REDIC1: variants seen among roughly 807,000 people sequenced by gnomAD.
REDIC1 encodes HEI10 Interacting Protein 1.
chr12:39,728,682 C>T, the REDIC1 span, among the ~76,000 whole-genome samples: 1 of 151,660 alleles, frequency 6.6e-6, no homozygotes, highest in African/African-American at 2.4e-5. Flanking sequence ...GTGAAGAGTC[C>T]CTCTTTTTCT....
At chr12:39,747,362 G>T in the REDIC1 span, among the ~76,000 whole-genome samples, 1 of 152,172 alleles carries the variant, frequency 6.6e-6, no homozygotes, top group Non-Finnish European at 1.5e-5. Context: ...GAAGTGAGAA[G>T]AGAAGTTTAG....
chr12:39,777,858 G>A, the REDIC1 span, among the ~76,000 whole-genome samples: 1 of 152,182 alleles, frequency 6.6e-6, no homozygotes, highest in East Asian at 1.9e-4. Flanking sequence ...CCAAGTCCAC[G>A]TGTGATCTGA....
the REDIC1 span, among the ~76,000 whole-genome samples, chr12:39,895,669 C>T: frequency 1.4e-5 from 2 of 145,872 alleles, no homozygotes; most frequent in Admixed American, 7.0e-5. Flanking sequence ...TATGTATATG[C>T]GTGTATACGT....
At chr12:39,880,993 G>A in the REDIC1 span, among the ~76,000 whole-genome samples, 1 of 152,176 alleles carries the variant, frequency 6.6e-6, no homozygotes, top group South Asian at 2.1e-4. Flanking sequence ...TTGTTGAATT[G>A]TATGTATAAC....
At chr12:39,753,221 G>C in the REDIC1 span, among the ~76,000 whole-genome samples, 1 of 152,192 alleles carries the variant, frequency 6.6e-6, no homozygotes, top group African/African-American at 2.4e-5. Flanking sequence ...AAGGTTAAAA[G>C]AAGTAGCCTC....
At chr12:39,682,405 T>G in the REDIC1 span, among the ~76,000 whole-genome samples, 14 of 152,128 alleles carry the variant, frequency 9.2e-5, no homozygotes, top group Non-Finnish European at 1.8e-4. Context: ...CGTAGATTAT[T>G]TTCTTACTCA....
chr12:39,649,527 C>T, the REDIC1 span, among the ~76,000 whole-genome samples: 1 of 147,254 alleles, frequency 6.8e-6, no homozygotes, highest in East Asian at 2.0e-4. Flanking sequence ...CTCTCTCTGA[C>T]TTTAGTCTAT....
chr12:39,680,618 A>G, the REDIC1 span, among the ~76,000 whole-genome samples: 1 of 152,216 alleles, frequency 6.6e-6, no homozygotes, highest in East Asian at 1.9e-4. Context: ...CAGCAATCCC[A>G]CTGCTGGGTT....
chr12:39,685,043 T>C, the REDIC1 span: 1 of 629,672 alleles, frequency 1.6e-6, no homozygotes, highest in Non-Finnish European at 2.6e-6. Context: ...TAATTTTTAT[T>C]GGATGGACTC....
At chr12:39,890,232 C>A in the REDIC1 span, among the ~76,000 whole-genome samples, 1 of 151,816 alleles carries the variant, frequency 6.6e-6, no homozygotes, top group Non-Finnish European at 1.5e-5. Context: ...CATTTGTTTA[C>A]CTTAAAGAAA....
At chr12:39,750,687 C>G in the REDIC1 span, among the ~76,000 whole-genome samples, 1 of 152,196 alleles carries the variant, frequency 6.6e-6, no homozygotes, top group African/African-American at 2.4e-5. Context: ...GTAACTAAAA[C>G]AGCATGGTAC....
the REDIC1 span, among the ~76,000 whole-genome samples, chr12:39,900,923 AC>A: frequency 2.6e-5 from 4 of 152,176 alleles, no homozygotes; most frequent in Admixed American, 2.6e-4. Flanking sequence ...GCATCACGCT[AC>A]CTGACTTCAA....
chr12:39,833,044 C>T, the REDIC1 span, among the ~76,000 whole-genome samples: 1 of 152,064 alleles, frequency 6.6e-6, no homozygotes, highest in East Asian at 1.9e-4. Context: ...TTTACTTCTG[C>T]TTACATTTAT....
the REDIC1 span, among the ~76,000 whole-genome samples, chr12:39,730,687 G>GAATCT: frequency 2.0e-5 from 3 of 150,582 alleles, no homozygotes; most frequent in Non-Finnish European, 3.0e-5. Flanking sequence ...TGTATTTCCT[G>GAATCT]GTGTTGGCCT....
the REDIC1 span, among the ~76,000 whole-genome samples, chr12:39,720,591 C>T: frequency 6.6e-6 from 1 of 152,038 alleles, no homozygotes. Context: ...AATTCATAGC[C>T]TCCTGGGAGG....
chr12:39,769,663 C>A, the REDIC1 span, among the ~76,000 whole-genome samples: 1 of 151,936 alleles, frequency 6.6e-6, no homozygotes, highest in Non-Finnish European at 1.5e-5. Context: ...CACGTTCCAT[C>A]AATATCTCTT....
chr12:39,898,272 A>G, the REDIC1 span, among the ~76,000 whole-genome samples: 1 of 152,166 alleles, frequency 6.6e-6, no homozygotes, highest in African/African-American at 2.4e-5. Context: ...TGAAAAGAAG[A>G]AACTCTTTCG....
the REDIC1 span, among the ~76,000 whole-genome samples, chr12:39,637,060 C>G: frequency 8.7e-4 from 132 of 151,970 alleles, 1 homozygote; most frequent in African/African-American, 3.1e-3. Context: ...CCCTCTACTC[C>G]TTTTTTTCTC....
At chr12:39,709,745 G>C in the REDIC1 span, among the ~76,000 whole-genome samples, 3 of 151,554 alleles carry the variant, frequency 2.0e-5, no homozygotes, top group African/African-American at 7.3e-5. Context: ...TCTTTCATTG[G>C]TGGTCATTTA....
Sources: allele counts gnomAD v4.1 joint callset (sites outside exome capture counted in the v4.1 genomes callset), GRCh38; gene constraint gnomAD v4.1.1; transcripts MANE v1.5; gene names NCBI Gene and HGNC (gene_info 2026-07-23, HGNC 2026-07-21).